FAM118A: variants seen among roughly 807,000 people sequenced by gnomAD.
FAM118A encodes SIR2 antiphage like 2, also known as protein FAM118A.
Under a neutral mutation model 38.2 loss-of-function variants are expected in FAM118A, and 25 were observed. That is an observed-to-expected ratio of 0.65 (90% CI 0.48 to 0.91). The LOEUF (loss-of-function observed/expected upper bound fraction) is 0.91. Ranked by LOEUF, FAM118A falls within the 40% of genes least tolerant of loss-of-function variation. The pLI, the probability that FAM118A is intolerant of heterozygous loss-of-function variation, is 0.00. For missense variants in FAM118A, 425 were observed against 463.3 expected (o/e 0.92, Z 0.76); for synonymous variants, 178 against 184.1 (o/e 0.97, Z 0.27).
chr22:45,328,524 G>A, intron 4 of FAM118A: 1 of 747,202 alleles, frequency 1.3e-6, no homozygotes, highest in Non-Finnish European at 2.5e-6. Context: ...CCCCGCTACT[G>A]GGGAGGCCGA....
intron 1 of FAM118A, among the ~76,000 whole-genome samples, chr22:45,319,251 A>T (rs1203989230): frequency 6.6e-6 from 1 of 152,192 alleles, no homozygotes; most frequent in Non-Finnish European, 1.5e-5. Context: ...GTGCGTGTTT[A>T]AAAAATAGTC....
chr22:45,326,203 G>A (rs953716472), intron 3 of FAM118A, among the ~76,000 whole-genome samples: 16 of 136,232 alleles, frequency 1.2e-4, no homozygotes, highest in African/African-American at 4.3e-4. Context: ...TCCCCTCCCA[G>A]CAAAGCTCTG....
Position 45,336,480 on chromosome 22 carries a change from C to T in FAM118A, c.1054+69C>T, listed in dbSNP as rs920595248. 1.1e-5 allele frequency: 14 copies of T among 1,263,190 alleles called. No individual in the cohort carries two copies. The East Asian group carries it at 1.4e-4, about 13-fold the overall frequency. The allele number at this position is 1,263,190 out of a possible 1,614,324, so 78.2% of individuals were successfully genotyped here. ...CTTGTTGGCAGGCATCTTCAGGGACCGTGCTGCGCTTTAATGCCCCGCGCC... is the reference window on the plus strand; with the variant it reads ...CTTGTTGGCAGGCATCTTCAGGGACTGTGCTGCGCTTTAATGCCCCGCGCC... On this transcript the variant is annotated intron_variant, in intron 8 of 8. Coordinates refer to ENST00000441876, the MANE Select transcript of FAM118A (RefSeq NM_017911.4).
rs1295475523 is a variant in FAM118A, at chr22:45,332,515, C to G, written c.742C>G (p.Leu248Val). The change falls in exon 6 of 9, where the codon CTT (leucine) becomes GTT (valine). Residue 248 changes from leucine (L) to valine (V), a missense_variant. Physicochemically the swap from Leu to Val is conservative, Grantham distance 32. Transcript: ENST00000441876. The part of the protein sequence containing the change: ...LRDQIFQALF[L>V]YSVPNKVDLE... Reference sequence around the variant, plus strand: ...TGATCAGATATTCCAGGCCCTCTTTCTTTACTCCGTGCCGAATAAGGTGGA... The same window carrying G: ...TGATCAGATATTCCAGGCCCTCTTTGTTTACTCCGTGCCGAATAAGGTGGA... 1 of 1,614,052 alleles carries G rather than the reference C, an allele frequency of 6.2e-7. No individual in the cohort carries two copies. The highest frequency in any genetic ancestry group is 1.3e-5 in the African/African-American group (1 of 74,928).
chr22:45,334,274 AG>A (rs2085931883), intron 6 of FAM118A, among the ~76,000 whole-genome samples: 1 of 152,206 alleles, frequency 6.6e-6, no homozygotes, highest in Admixed American at 6.5e-5. Flanking sequence ...AAGCTTGGAA[AG>A]GCCTGTGCTG....
At chr22:45,309,868 C>G (rs958989523), upstream of FAM118A, 3 of 151,886 alleles carry the variant, frequency 2.0e-5, no homozygotes, top group Non-Finnish European at 4.4e-5. Flanking sequence ...CTCCGGGGAC[C>G]GCGGGGCCGT....
chr22:45,337,879 C>G, intron 8 of FAM118A: 1 of 985,394 alleles, frequency 1.0e-6, no homozygotes, highest in Non-Finnish European at 1.2e-6. Context: ...GCATGGGATT[C>G]TCCGTTGTGA....
chr22:45,326,874 TGTG>T (rs2085311408), intron 3 of FAM118A, among the ~76,000 whole-genome samples: 1 of 1,698 alleles, frequency 5.9e-4, no homozygotes, highest in Admixed American at 6.5e-3. Context: ...GGTGTTATGG[TGTG>T]TGTGCACCTA....
chr22:45,320,427 T>C (rs551757588), intron 1 of FAM118A, among the ~76,000 whole-genome samples: 34 of 138,460 alleles, frequency 2.5e-4, no homozygotes, highest in Admixed American at 2.2e-3. Context: ...TTTTCTTCCT[T>C]CTTCTTCTTC....
At chr22:45,328,695 A>G in intron 4 of FAM118A, 4 of 556,892 alleles carry the variant, frequency 7.2e-6, no homozygotes, top group Admixed American at 3.1e-5. Context: ...AGGCAGGAGA[A>G]TAGCTGGAAC....
At position 45,340,677 on chromosome 22, in the gene FAM118A, G is replaced by A; in HGVS notation, c.*272G>A. ...TCAGGGACCAGAATCCGTGGGAAGG[G>A]ATGGACCTGGTGTTCCCGTTCCCAT... On this transcript the variant is annotated 3_prime_UTR_variant, in exon 9 of 9. Coordinates refer to ENST00000441876, the MANE Select transcript of FAM118A (RefSeq NM_017911.4). The A allele has an allele frequency of 1.9e-6, 1 of 523,014 alleles. No individual in the cohort carries two copies. The highest frequency in any genetic ancestry group is 3.1e-5 in the South Asian group (1 of 32,072). 32.4% of individuals were successfully genotyped at this position (523,014 alleles called of 1,614,324 possible).
At chr22:45,325,797 C>T (rs889480213) in intron 3 of FAM118A, among the ~76,000 whole-genome samples, 5 of 152,142 alleles carry the variant, frequency 3.3e-5, no homozygotes, top group African/African-American at 7.2e-5. Flanking sequence ...CAAATTATGA[C>T]GGCACAGCTG....
chr22:45,316,541 G>A (rs2084613843), intron 1 of FAM118A, among the ~76,000 whole-genome samples: 1 of 152,210 alleles, frequency 6.6e-6, no homozygotes, highest in Non-Finnish European at 1.5e-5. Context: ...GGGCTTGCTT[G>A]AAGGCTCCCG....
intron 1 of FAM118A, among the ~76,000 whole-genome samples, chr22:45,321,207 C>T (rs932524005): frequency 6.6e-6 from 1 of 151,712 alleles, no homozygotes; most frequent in East Asian, 1.9e-4. Context: ...ACCTCCACCT[C>T]CTGGGTTCAA....
At chr22:45,338,478 T>C (rs989145480) in intron 8 of FAM118A, among the ~76,000 whole-genome samples, 6 of 152,212 alleles carry the variant, frequency 3.9e-5, no homozygotes, top group African/African-American at 1.4e-4. Context: ...CCACCCACTT[T>C]GGCTTCCCAA....
chr22:45,324,191 G>A (rs866089389), intron 3 of FAM118A, among the ~76,000 whole-genome samples: 6 of 152,210 alleles, frequency 3.9e-5, no homozygotes, highest in African/African-American at 1.4e-4. Flanking sequence ...AGTTGAGGTT[G>A]GCTGTGAAAG....
chr22:45,332,612 T>G lies in FAM118A; in HGVS notation c.839T>G (p.Leu280Arg), dbSNP rs777924975. 1.9e-6 allele frequency: 3 copies of G among 1,614,132 alleles called. No individual in the cohort carries two copies. The highest frequency in any genetic ancestry group is 2.7e-5 in the African/African-American group (2 of 74,936). The stretch of plus-strand genomic sequence containing the variant: ...TTTAAGCATCAGGCAGATATGCTTC[T>G]GCACGGAATCAAAGTTGTATCCTAC... Reference protein sequence around the residue: ...HFFKHQADMLLHGIKVVSYGD... With the variant: ...HFFKHQADMLRHGIKVVSYGD... Residue 280 changes from leucine to arginine, a missense_variant, in exon 6 of 9, where the codon CTG (leucine) becomes CGG (arginine). Physicochemically the swap from Leu to Arg is moderately radical, Grantham distance 102 (BLOSUM62 -2). Coordinates refer to ENST00000441876, the MANE Select transcript of FAM118A (RefSeq NM_017911.4).
In FAM118A at chr22:45,320,859, T is replaced by C. The variant is rs372369695; in HGVS notation, c.-9-1512T>C. Among the ~76,000 whole-genome samples, 137 of 152,278 alleles carry C rather than the reference T, an allele frequency of 9.0e-4. 3 individuals are homozygous for C. In the South Asian group the frequency reaches 0.028, roughly 31 times the overall value. ...CTAAGATATTTTACAGTGTTCATAC[T>C]CTCTAACTCAGCAGTTCTTCTCAGA... On this transcript the variant is annotated intron_variant, in intron 1 of 8. Coordinates refer to ENST00000441876, the MANE Select transcript of FAM118A (RefSeq NM_017911.4).
At chr22:45,317,555 C>T (rs1298490450) in intron 1 of FAM118A, among the ~76,000 whole-genome samples, 1 of 152,190 alleles carries the variant, frequency 6.6e-6, no homozygotes, top group Non-Finnish European at 1.5e-5. Context: ...CACACATTCC[C>T]CTCTCCCCAC....
Sources: allele counts gnomAD v4.1 joint callset (sites outside exome capture counted in the v4.1 genomes callset), GRCh38; gene constraint gnomAD v4.1.1; transcripts MANE v1.5; gene names NCBI Gene and HGNC (gene_info 2026-07-23, HGNC 2026-07-21).